Variants in DLG5 observed in about 807,000 individuals in gnomAD.
DLG5 encodes the protein discs large MAGUK scaffold protein 5, also known as disks large homolog 5.
In DLG5, 48 loss-of-function variants were observed where a neutral mutation model predicts 189.8. That is an observed-to-expected ratio of 0.25 (90% CI 0.20 to 0.32). The LOEUF (loss-of-function observed/expected upper bound fraction) is 0.32. DLG5 is among the 10% of genes least tolerant of loss of function. The pLI is 1.00. For synonymous variants in DLG5, 1,016 were observed against 1,054.1 expected (o/e 0.96, Z 0.70); for missense variants, 2,160 against 2,544.7 (o/e 0.85, Z 3.25).
At chr10:77,922,312 T>C (rs1182671852) in intron 1 of DLG5, among the ~76,000 whole-genome samples, 1 of 152,018 alleles carries the variant, frequency 6.6e-6, no homozygotes, top group African/African-American at 2.4e-5. Flanking sequence ...ACTCAGGTGT[T>C]TCCCCAAATC....
At chr10:77,843,211 T>C (rs1404690866) in intron 6 of DLG5, among the ~76,000 whole-genome samples, 1 of 152,162 alleles carries the variant, frequency 6.6e-6, no homozygotes, top group African/African-American at 2.4e-5. Flanking sequence ...AAAGGCCCGC[T>C]TGCAAGGCTA....
chr10:77,887,769 C>G (rs551304873), intron 1 of DLG5, among the ~76,000 whole-genome samples: 2 of 152,316 alleles, frequency 1.3e-5, no homozygotes, highest in East Asian at 3.9e-4. Flanking sequence ...CAGAAAATAT[C>G]TATTTTTAAA....
chr10:77,798,700 T>A (rs115657908), intron 27 of DLG5, among the ~76,000 whole-genome samples: 2,168 of 152,320 alleles, frequency 0.014, 49 homozygotes, highest in African/African-American at 0.05. Flanking sequence ...CTTTTGGGCA[T>A]CCCATTAACA....
intron 3 of DLG5, among the ~76,000 whole-genome samples, chr10:77,856,452 G>GGACA (rs752748833): frequency 2.1e-3 from 181 of 87,760 alleles, no homozygotes; most frequent in Non-Finnish European, 2.9e-3. Flanking sequence ...ACAGTGGTAG[G>GGACA]GACACACACA....
At chr10:77,935,030 T>G in the DLG5 span, among the ~76,000 whole-genome samples, 2 of 152,050 alleles carry the variant, frequency 1.3e-5, no homozygotes, top group African/African-American at 4.8e-5. Context: ...GCTAACTTTT[T>G]GTATTTTTAG....
chr10:77,891,415 C>G (rs1429136201), intron 1 of DLG5, among the ~76,000 whole-genome samples: 1 of 152,172 alleles, frequency 6.6e-6, no homozygotes, highest in Non-Finnish European at 1.5e-5. Flanking sequence ...TTTGGTTTAT[C>G]TCTGCATCTC....
chr10:77,906,407 C>T (rs1369706544), intron 1 of DLG5, among the ~76,000 whole-genome samples: 3 of 152,098 alleles, frequency 2.0e-5, no homozygotes, highest in Non-Finnish European at 4.4e-5. Flanking sequence ...GCACTTGTAC[C>T]GTAAGCATCA....
intron 3 of DLG5, among the ~76,000 whole-genome samples, chr10:77,855,378 T>G (rs1284627256): frequency 6.6e-6 from 1 of 152,208 alleles, no homozygotes; most frequent in Non-Finnish European, 1.5e-5. Flanking sequence ...ACAAGCTCTG[T>G]GGATGATTCT....
intron 20 of DLG5, among the ~76,000 whole-genome samples, chr10:77,814,702 G>C (rs1841967191): frequency 1.3e-5 from 2 of 151,732 alleles, no homozygotes; most frequent in South Asian, 2.1e-4. Flanking sequence ...AGCCTCCTGA[G>C]TAGCAGGGAC....
At chr10:77,814,337 A>G (rs961094518) in intron 20 of DLG5, among the ~76,000 whole-genome samples, 3 of 151,756 alleles carry the variant, frequency 2.0e-5, no homozygotes, top group African/African-American at 7.3e-5. Context: ...ATATGCATAG[A>G]AGTTTTCTCT....
intron 20 of DLG5, chr10:77,816,189 A>T (rs1842040519): frequency 3.8e-6 from 2 of 532,014 alleles, no homozygotes; most frequent in Non-Finnish European, 7.2e-6. Flanking sequence ...TGAAACAGGG[A>T]TAACAATAAT....
At chr10:77,937,940 ACTC>A in the DLG5 span, among the ~76,000 whole-genome samples, 2 of 143,136 alleles carry the variant, frequency 1.4e-5, no homozygotes, top group Non-Finnish European at 1.5e-5. Flanking sequence ...CTGGTCTCAA[ACTC>A]CTGACCTCAG....
At position 77,864,560 on chromosome 10, in the gene DLG5, G is replaced by A. The variant is rs562867347; in HGVS notation, c.373+4569C>T. Among the ~76,000 whole-genome samples, 60 of 152,324 alleles carry A rather than the reference G, an allele frequency of 3.9e-4. 1 individual carries two copies. Among genetic ancestry groups the A allele is most frequent in the African/African-American group, 1.4e-3 (57 of 41,564 alleles). On this transcript the variant is annotated intron_variant, in intron 2 of 31. Coordinates refer to ENST00000372391, the MANE Select transcript of DLG5 (RefSeq NM_004747.4). Reference sequence around the variant, plus strand: ...TAAGCTTCACTAGAGAACCTGCTAGGCAAAATTTCAGGTCCCACCCAGACC... The same window carrying A: ...TAAGCTTCACTAGAGAACCTGCTAGACAAAATTTCAGGTCCCACCCAGACC...
At chr10:77,908,606 C>G (rs1046576083) in intron 1 of DLG5, among the ~76,000 whole-genome samples, 1 of 152,212 alleles carries the variant, frequency 6.6e-6, no homozygotes, top group African/African-American at 2.4e-5. Context: ...TCTCCCAAGT[C>G]CTGCTCTGTG....
At chr10:77,871,985 T>A (rs192230533) in intron 1 of DLG5, among the ~76,000 whole-genome samples, 13 of 152,326 alleles carry the variant, frequency 8.5e-5, no homozygotes, top group Admixed American at 2.6e-4. Context: ...CAATGCCTAT[T>A]TTCTAAACTC....
chr10:77,816,900 G>C lies in DLG5; in HGVS notation c.3874+107C>G, dbSNP rs977145058. Reference sequence around the variant, plus strand: ...CTGCTGGGCTCAGTGAATTTTTACTGACTGACTGAGATGACTATGAAGTTC... The same window carrying C: ...CTGCTGGGCTCAGTGAATTTTTACTCACTGACTGAGATGACTATGAAGTTC... On this transcript the variant is annotated intron_variant, in intron 19 of 31. Coordinates refer to ENST00000372391, the MANE Select transcript of DLG5 (RefSeq NM_004747.4). The C allele has an allele frequency of 7.0e-6, 10 of 1,426,672 alleles. No individual in the cohort carries two copies. In the African/African-American group the frequency reaches 1.3e-4, roughly 18 times the overall value. 88.4% of individuals were successfully genotyped at this position (1,426,672 alleles called of 1,614,324 possible).
chr10:77,911,050 G>T (rs1483248050), intron 1 of DLG5, among the ~76,000 whole-genome samples: 2 of 151,648 alleles, frequency 1.3e-5, no homozygotes, highest in Non-Finnish European at 2.9e-5. Flanking sequence ...GAGAAGAAAG[G>T]TTACTTGGAA....
upstream of DLG5, chr10:77,927,077 C>T: frequency 5.1e-6 from 1 of 197,194 alleles, no homozygotes; most frequent in Non-Finnish European, 1.0e-5. Flanking sequence ...CACCCGCTCC[C>T]CCGTGGCCAC....
At chr10:77,938,791 C>T in the DLG5 span, among the ~76,000 whole-genome samples, 4 of 152,230 alleles carry the variant, frequency 2.6e-5, no homozygotes, top group Non-Finnish European at 5.9e-5. Flanking sequence ...TGCATTTCTA[C>T]CCCTCCCAGC....
Sources: gnomAD v4.1 joint callset for allele counts (sites outside exome capture counted in the v4.1 genomes callset) on GRCh38, gnomAD v4.1.1 for gene constraint, MANE v1.5 for transcripts, NCBI Gene and HGNC (gene_info 2026-07-23, HGNC 2026-07-21) for gene names.